The following RNF111 variants were observed in gnomAD, a reference collection of about 807,000 sequenced individuals.
The protein encoded by RNF111 is ring finger protein 111, also known as E3 ubiquitin-protein ligase Arkadia.
Under a neutral mutation model 95.1 loss-of-function variants are expected in RNF111, and 17 were observed. That is an observed-to-expected ratio of 0.18 (90% CI 0.12 to 0.27). The LOEUF is 0.27. Ranked by LOEUF, RNF111 falls within the 10% of genes least tolerant of loss-of-function variation. The pLI is 1.00. For synonymous variants in RNF111, 440 were observed against 414.8 expected (o/e 1.06, Z -0.74); for missense variants, 1,189 against 1,210.4 (o/e 0.98, Z 0.26).
intron 2 of RNF111, among the ~76,000 whole-genome samples, chr15:59,047,978 T>G (rs1289270024): frequency 6.6e-6 from 1 of 152,188 alleles, no homozygotes; most frequent in Non-Finnish European, 1.5e-5. Context: ...GGTGAGGATG[T>G]GGAGAACCTG....
At chr15:59,074,805 C>T (rs769476525) in intron 6 of RNF111, among the ~76,000 whole-genome samples, 2 of 152,096 alleles carry the variant, frequency 1.3e-5, no homozygotes, top group Non-Finnish European at 2.9e-5. Context: ...TTTGGCCTCT[C>T]TGGGCTTTTG....
chr15:58,998,243 AG>A (rs1193182484), intron 1 of RNF111, among the ~76,000 whole-genome samples: 9 of 151,366 alleles, frequency 5.9e-5, no homozygotes, highest in Admixed American at 1.3e-4. Flanking sequence ...CAAAATGGGA[AG>A]TTTTTTTTTT....
At chr15:59,058,649 C>A in intron 5 of RNF111, 99 bp downstream of exon 5, 1 of 1,044,074 alleles carries the variant, frequency 9.6e-7, no homozygotes, top group Non-Finnish European at 1.5e-6. Flanking sequence ...TGTTAATAAG[C>A]GGGTATTCTT....
intron 10 of RNF111, among the ~76,000 whole-genome samples, chr15:59,086,696 T>C (rs1322083814): frequency 6.6e-6 from 1 of 152,206 alleles, no homozygotes; most frequent in African/African-American, 2.4e-5. Flanking sequence ...TTACAGCATG[T>C]AAAGATGTAG....
At position 59,094,932 on chromosome 15, in the gene RNF111, C is replaced by A; in HGVS notation, c.*32C>A. On this transcript the variant is annotated 3_prime_UTR_variant, in exon 14 of 14. Transcript: ENST00000348370. The stretch of plus-strand genomic sequence containing the variant: ...GTTTCAGAACTCTTGCCCTCCCTCT[C>A]ATTCCCATCCTTCCTGGTACTGCAG... 1 of 1,232,774 alleles carries A rather than the reference C, an allele frequency of 8.1e-7. No homozygotes were observed. The highest frequency in any genetic ancestry group is 1.2e-6 in the Non-Finnish European group (1 of 832,292). The allele number at this position is 1,232,774 out of a possible 1,614,324, so 76.4% of individuals were successfully genotyped here.
chr15:59,043,674 G>A (rs1403723341), intron 2 of RNF111, among the ~76,000 whole-genome samples: 11 of 152,150 alleles, frequency 7.2e-5, no homozygotes, highest in African/African-American at 2.4e-4. Context: ...GTACATATAT[G>A]TTTTCATTTC....
intron 2 of RNF111, among the ~76,000 whole-genome samples, chr15:59,045,005 A>G (rs965961789): frequency 2.6e-5 from 4 of 152,318 alleles, no homozygotes; most frequent in Middle Eastern, 3.4e-3. Context: ...TAAGCAAGCT[A>G]TTTTTATACT....
At chr15:59,039,524 G>T (rs566908833) in intron 2 of RNF111, among the ~76,000 whole-genome samples, 13 of 152,218 alleles carry the variant, frequency 8.5e-5, no homozygotes, top group African/African-American at 3.1e-4. Context: ...GTTTCAGTTT[G>T]TTGCAGTCTT....
intron 1 of RNF111, among the ~76,000 whole-genome samples, chr15:58,990,477 C>T (rs150300673): frequency 0.062 from 9,506 of 152,114 alleles, 468 homozygotes; most frequent in East Asian, 0.25. Context: ...GGTGAAACCC[C>T]ATCTCTACTG....
chr15:58,995,647 G>T (rs2039033543), intron 1 of RNF111, among the ~76,000 whole-genome samples: 1 of 151,670 alleles, frequency 6.6e-6, no homozygotes, highest in African/African-American at 2.4e-5. Flanking sequence ...TAGTAGAGAC[G>T]GGGTTTCACC....
rs193296127 is a variant in RNF111 at position 59,042,736 on chromosome 15, A to G, written c.881-9569A>G. On this transcript the variant is annotated intron_variant, in intron 2 of 13. Coordinates refer to ENST00000348370, the MANE Select transcript of RNF111 (RefSeq NM_017610.8). ...CTTTGTCACATGTTAAATTTTCCACATGCATTTGGGCCTGTTTATGGAGTT... is the reference window on the plus strand; with the variant it reads ...CTTTGTCACATGTTAAATTTTCCACGTGCATTTGGGCCTGTTTATGGAGTT... 1.2e-4 allele frequency among the ~76,000 whole-genome samples: 19 copies of G among 152,286 alleles called. No individual in the cohort carries two copies. In the East Asian group the frequency reaches 1.5e-3, roughly 12 times the overall value.
chr15:59,001,427 T>G (rs2039319140), intron 1 of RNF111, among the ~76,000 whole-genome samples: 1 of 152,202 alleles, frequency 6.6e-6, no homozygotes, highest in African/African-American at 2.4e-5. Flanking sequence ...TTTTTGTTGT[T>G]GATTAAAAAA....
At chr15:58,994,033 ATTTTTT>A (rs371453519) in intron 1 of RNF111, among the ~76,000 whole-genome samples, 5 of 103,132 alleles carry the variant, frequency 4.8e-5, no homozygotes, top group African/African-American at 1.6e-4. Context: ...TGTTACTTAA[ATTTTTT>A]TTTTTTTTTT....
At chr15:59,068,123 G>A (rs950936341) in intron 6 of RNF111, among the ~76,000 whole-genome samples, 1 of 152,120 alleles carries the variant, frequency 6.6e-6, no homozygotes, top group Non-Finnish European at 1.5e-5. Flanking sequence ...AGGAGGCTGA[G>A]GCAGGAGAAT....
chr15:59,054,556 A>G (rs1443343427), intron 3 of RNF111, among the ~76,000 whole-genome samples: 1 of 152,182 alleles, frequency 6.6e-6, no homozygotes, highest in Non-Finnish European at 1.5e-5. Flanking sequence ...AGACATGGCT[A>G]TCTTGGCTCA....
intron 13 of RNF111, chr15:59,093,384 T>G (rs28478417): frequency 2.6e-4 from 111 of 431,374 alleles, no homozygotes; most frequent in Middle Eastern, 2.0e-3. Flanking sequence ...GATGGTCTCC[T>G]TCTGTTGCCC....
intron 1 of RNF111, among the ~76,000 whole-genome samples, chr15:58,998,105 A>G (rs192771158): frequency 1.1e-4 from 16 of 151,750 alleles, no homozygotes; most frequent in Admixed American, 2.0e-4. Context: ...TGGTTTCACT[A>G]TGTTGGTGAG....
chr15:59,071,610 G>T (rs1280763295), intron 6 of RNF111, among the ~76,000 whole-genome samples: 1 of 151,378 alleles, frequency 6.6e-6, no homozygotes, highest in Non-Finnish European at 1.5e-5. Flanking sequence ...CAGGAGAATC[G>T]CTTGAGCCTA....
chr15:59,031,246 T>C lies in RNF111; in HGVS notation c.424T>C (p.Ser142Pro), dbSNP rs767431138. The C allele has an allele frequency of 1.2e-6, 2 of 1,614,158 alleles. No homozygotes were observed. Among genetic ancestry groups the C allele is most frequent in the South Asian group, 2.2e-5 (2 of 91,082 alleles). ...TTTTAGTGATTGTCTTTCTTCTCCT[T>C]CATCTAGTCTGCATTTTGGAGATTC... ...SSFSDCLSSP[S>P]SSLHFGDSDT... The change falls in exon 2 of 14, where the codon TCA (serine) becomes CCA (proline). Residue 142 changes from serine to proline, a missense_variant. Transcript: ENST00000348370.
Sources: gnomAD v4.1 joint callset for allele counts (sites outside exome capture counted in the v4.1 genomes callset) on GRCh38, gnomAD v4.1.1 for gene constraint, MANE v1.5 for transcripts, NCBI Gene and HGNC (gene_info 2026-07-23, HGNC 2026-07-21) for gene names.